Variants in CYTH3 observed in about 807,000 individuals in gnomAD.
The protein encoded by CYTH3 is cytohesin-3.
Under a neutral mutation model 55.1 loss-of-function variants are expected in CYTH3, and 23 were observed. The ratio of observed to expected loss-of-function variants is 0.42; its 90% CI spans 0.30 to 0.59. The LOEUF is 0.59. CYTH3 is among the 20% of genes least tolerant of loss of function. The pLI is 0.20. For missense variants in CYTH3, 413 were observed against 524.8 expected (o/e 0.79, Z 2.08); for synonymous variants, 249 against 194.9 (o/e 1.28, Z -2.31).
intron 1 of CYTH3, among the ~76,000 whole-genome samples, chr7:6,244,954 AATTTTTTTTTTTT>A (rs1779765992): frequency 1.7e-5 from 1 of 59,438 alleles, no homozygotes; most frequent in South Asian, 6.0e-4. Context: ...ACGCCCGGCT[AATTTTTTTTTTTT>A]TTTTTTTTTT....
At chr7:6,188,314 C>T (rs1033596558) in intron 2 of CYTH3, among the ~76,000 whole-genome samples, 1 of 149,422 alleles carries the variant, frequency 6.7e-6, no homozygotes, top group African/African-American at 2.5e-5. Context: ...GTCTGGGTGA[C>T]AGAGCAAGAC....
At chr7:6,219,479 A>G (rs1245884814) in intron 1 of CYTH3, among the ~76,000 whole-genome samples, 1 of 152,260 alleles carries the variant, frequency 6.6e-6, no homozygotes, top group East Asian at 1.9e-4. Flanking sequence ...CTAAGGAAAG[A>G]CAAGGGTGTG....
chr7:6,174,710 G>A (rs1024669176), intron 5 of CYTH3, among the ~76,000 whole-genome samples: 2 of 151,988 alleles, frequency 1.3e-5, no homozygotes, highest in African/African-American at 4.8e-5. Context: ...AGCACGCCTG[G>A]CTAATTTTTT....
rs1047429037 is a variant in CYTH3, at chr7:6,161,878, T to G, written c.*3066A>C. The G allele has an allele frequency of 9.8e-5, 15 of 152,638 alleles. No individual in the cohort carries two copies. Among genetic ancestry groups the G allele is most frequent in the African/African-American group, 3.6e-4 (15 of 41,452 alleles). The allele number at this position is 152,638 out of a possible 1,614,324, so 9.5% of individuals were successfully genotyped here. ...TCTTACTTCACTTTACAACCAAGTA[T>G]CAATAGAGGCTGTTCCTTCATGCGA... On this transcript the variant is annotated 3_prime_UTR_variant, in exon 13 of 13. Transcript: ENST00000350796.
chr7:6,190,654 C>G, intron 1 of CYTH3, 123 bp from the exon 2 acceptor site: 1 of 728,902 alleles, frequency 1.4e-6, no homozygotes, highest in South Asian at 2.2e-5. Flanking sequence ...TAAAGAAATG[C>G]TCCCATTGAG....
chr7:6,204,091 G>C (rs1583782965), intron 1 of CYTH3, among the ~76,000 whole-genome samples: 1 of 150,978 alleles, frequency 6.6e-6, no homozygotes, highest in Non-Finnish European at 1.5e-5. Context: ...AAAAAAATCA[G>C]ACAGTATAAA....
At chr7:6,263,308 T>C (rs1583207464) in intron 1 of CYTH3, among the ~76,000 whole-genome samples, 1 of 152,228 alleles carries the variant, frequency 6.6e-6, no homozygotes, top group African/African-American at 2.4e-5. Context: ...ATTAGAATGC[T>C]GGGAAATCAC....
chr7:6,172,338 G>T (rs563397), intron 6 of CYTH3, among the ~76,000 whole-genome samples: 2,796 of 151,764 alleles, frequency 0.018, 34 homozygotes, highest in Non-Finnish European at 0.028. Context: ...CTTCTTCTCC[G>T]CCAGGCCTGC....
chr7:6,191,318 TAGAC>T (rs549174148), intron 1 of CYTH3, among the ~76,000 whole-genome samples: 16 of 151,854 alleles, frequency 1.1e-4, no homozygotes, highest in Admixed American at 2.0e-4. Flanking sequence ...TAAATCAACA[TAGAC>T]AGCGCCCAGG....
Position 6,177,860 on chromosome 7 carries a change from G to A in CYTH3, c.331C>T (p.Leu111=), listed in dbSNP as rs1393003062. The A allele has an allele frequency of 2.5e-6, 4 of 1,613,944 alleles. No homozygotes were observed. The South Asian group carries it at 3.3e-5, about 13-fold the overall frequency. ...VAQFLYKGEG[L]NKTVIGDYLG... is the part of the protein sequence containing the mutation. ...TAGTCCCCAATGACGGTCTTATTTA[G>A]GCCTTCTCCTTTATAAAGGAACTGG... Residue 111 remains leucine, a synonymous_variant, in exon 5 of 13, where the codon CTA becomes TTA. Transcript: ENST00000350796.
chr7:6,264,611 CA>C (rs988185806), intron 1 of CYTH3, among the ~76,000 whole-genome samples: 2 of 152,176 alleles, frequency 1.3e-5, no homozygotes, highest in African/African-American at 4.8e-5. Context: ...GACTCCATCT[CA>C]AAAAACTAAC....
chr7:6,170,715 AGC>A lies in CYTH3; in HGVS notation c.712-71_712-70del. ...AAATGGCTGGCCGGGCAGAAAGCTC[AGC>A]GGGACCAGGGCGGCAAGGAGGCTTG... On this transcript the variant is annotated intron_variant, in intron 8 of 12. Coordinates refer to ENST00000350796, the MANE Select transcript of CYTH3 (RefSeq NM_004227.4). This position sits in a 1 kb window ranked among gnomAD's most constrained non-coding sequence, Gnocchi z 7.8. The A allele has an allele frequency of 6.3e-7, 1 of 1,576,358 alleles. No individual in the cohort carries two copies. The highest frequency in any genetic ancestry group is 2.3e-5 in the East Asian group (1 of 43,348).
intron 1 of CYTH3, among the ~76,000 whole-genome samples, chr7:6,269,595 C>G (rs536598469): frequency 1.1e-4 from 12 of 109,574 alleles, no homozygotes; most frequent in African/African-American, 4.0e-4. Flanking sequence ...CCAATTAGCT[C>G]AAGAACTGTT....
chr7:6,172,376 C>T (rs181296062), intron 6 of CYTH3, among the ~76,000 whole-genome samples: 6 of 151,766 alleles, frequency 4.0e-5, no homozygotes, highest in Admixed American at 6.6e-5. Context: ...TCAACACAAC[C>T]ACCCCTCCTC....
At chr7:6,259,759 A>T (rs28626258) in intron 1 of CYTH3, among the ~76,000 whole-genome samples, 1,990 of 26,448 alleles carry the variant, frequency 0.075, 223 homozygotes, top group East Asian at 0.44. Flanking sequence ...TATATATATT[A>T]TATATATATA....
intron 1 of CYTH3, among the ~76,000 whole-genome samples, chr7:6,261,101 T>C (rs572058623): frequency 5.1e-4 from 78 of 152,286 alleles, no homozygotes; most frequent in Non-Finnish European, 7.5e-4. Context: ...GTGAGGACTC[T>C]GGAGGCCAGG....
At chr7:6,261,985 T>C (rs1780364601) in intron 1 of CYTH3, among the ~76,000 whole-genome samples, 2 of 151,640 alleles carry the variant, frequency 1.3e-5, no homozygotes. Context: ...GTTGACAAGA[T>C]AAAAAATGCC....
rs193052965 is a variant in CYTH3 at position 6,222,616 on chromosome 7, G to T, written c.35-32085C>A. Among the ~76,000 whole-genome samples, 27 of 151,864 alleles carry T rather than the reference G, an allele frequency of 1.8e-4. 1 individual carries two copies. The highest frequency in any genetic ancestry group is 1.7e-3 in the Admixed American group (26 of 15,254). ...AAAAACATTAGCCGGGCGTGGTGGC[G>T]GGCACCTGTAGTCCCAGCTACTCGG... On this transcript the variant is annotated intron_variant, in intron 1 of 12. Coordinates refer to ENST00000350796, the MANE Select transcript of CYTH3 (RefSeq NM_004227.4).
At chr7:6,166,519 C>T (rs1025712191) in intron 9 of CYTH3, among the ~76,000 whole-genome samples, 45 of 152,248 alleles carry the variant, frequency 3.0e-4, no homozygotes, top group Non-Finnish European at 8.8e-5. Flanking sequence ...ACCCGGCTTT[C>T]TCTGTGACAG....
Sources: gnomAD v4.1 joint callset for allele counts (sites outside exome capture counted in the v4.1 genomes callset) on GRCh38, gnomAD v4.1.1 for gene constraint, Gnocchi (gnomAD v3.1) non-coding constraint, MANE v1.5 for transcripts, NCBI Gene and HGNC (gene_info 2026-07-23, HGNC 2026-07-21) for gene names.